The following NPIPA1 variants were observed in gnomAD, a reference collection of about 807,000 sequenced individuals.
The protein encoded by NPIPA1 is nuclear pore complex interacting protein family member A1.
For missense variants in NPIPA1, 22 were observed against 232.2 expected, an observed-to-expected ratio of 0.09 and a Z score of 5.88; for synonymous variants, 7 against 88.0, an observed-to-expected ratio of 0.08 and a Z score of 5.15.
chr16:14,943,183 G>A (rs2151078469), intron 2 of NPIPA1, among the ~76,000 whole-genome samples: 1 of 152,010 alleles, frequency 6.6e-6, no homozygotes, highest in African/African-American at 2.4e-5. Flanking sequence ...CCCAAAAGGA[G>A]TCTCCCTCTG....
At chr16:14,942,741 A>G (rs1377205663) in intron 2 of NPIPA1, among the ~76,000 whole-genome samples, 2 of 152,232 alleles carry the variant, frequency 1.3e-5, no homozygotes, top group African/African-American at 4.8e-5. Flanking sequence ...TCCCACTTGC[A>G]ACTGGAGAGA....
At chr16:14,943,832 C>A (rs1160909963) in intron 2 of NPIPA1, among the ~76,000 whole-genome samples, 11 of 151,976 alleles carry the variant, frequency 7.2e-5, no homozygotes, top group Admixed American at 2.6e-4. Context: ...CAGGAAAAAA[C>A]AAATTCTACA....
intron 1 of NPIPA1, among the ~76,000 whole-genome samples, chr16:14,941,139 A>G (rs1319606344): frequency 6.6e-6 from 1 of 151,836 alleles, no homozygotes; most frequent in Admixed American, 6.6e-5. Flanking sequence ...AAAACAACAA[A>G]CAAAAACAAA....
At chr16:14,938,526 C>G (rs1368135465) in intron 1 of NPIPA1, among the ~76,000 whole-genome samples, 1 of 143,896 alleles carries the variant, frequency 6.9e-6, no homozygotes, top group Middle Eastern at 3.4e-3. Context: ...AGCGAAACCC[C>G]ATCTCTACAA....
chr16:14,947,212 T>G (rs1267968918), intron 4 of NPIPA1, among the ~76,000 whole-genome samples: 2 of 152,268 alleles, frequency 1.3e-5, no homozygotes, highest in African/African-American at 4.8e-5. Context: ...TGACTGATCT[T>G]TTTTTGTTAA....
intron 5 of NPIPA1, chr16:14,949,359 A>T: frequency 3.4e-6 from 1 of 296,824 alleles, no homozygotes; most frequent in South Asian, 2.3e-5. Context: ...GATCAACCAC[A>T]TCCTTCAAAA....
At position 14,951,816 on chromosome 16, in the gene NPIPA1, G is replaced by T; in HGVS notation, c.844G>T (p.Ala282Ser). 1 of 1,578,452 alleles carries T rather than the reference G, an allele frequency of 6.3e-7. No individual in the cohort carries two copies. The highest frequency in any genetic ancestry group is 8.5e-7 in the Non-Finnish European group (1 of 1,172,534). Residue 282 changes from alanine (A) to serine (S), a missense_variant, in exon 8 of 8, where the codon GCG (alanine) becomes TCG (serine). Ala to Ser is a moderately conservative substitution (Grantham distance 99). Transcript: ENST00000328085. ...CCTTCCACCCTCAGCTCTACCCTCA[G>T]CGGATGATAATCTCAAGACACCTGC... ...TPLPPSALPS[A>S]DDNLKTPAEC...
At chr16:14,947,127 T>C (rs1427775188) in intron 4 of NPIPA1, among the ~76,000 whole-genome samples, 1 of 152,272 alleles carries the variant, frequency 6.6e-6, no homozygotes, top group African/African-American at 2.4e-5. Flanking sequence ...TTGAACTCAA[T>C]GCTTGGGTCA....
intron 1 of NPIPA1, among the ~76,000 whole-genome samples, chr16:14,938,765 G>A (rs1965685973): frequency 6.6e-6 from 1 of 152,030 alleles, no homozygotes; most frequent in African/African-American, 2.4e-5. Context: ...TTAAGACAGA[G>A]TCTCATTCTG....
chr16:14,943,878 G>A (rs1302244798), intron 2 of NPIPA1, among the ~76,000 whole-genome samples: 3 of 150,884 alleles, frequency 2.0e-5, no homozygotes, highest in Admixed American at 6.6e-5. Context: ...GCCAGGTGTG[G>A]TGGCTCATGC....
intron 1 of NPIPA1, among the ~76,000 whole-genome samples, chr16:14,938,518 C>T (rs1445872910): frequency 3.9e-4 from 57 of 144,532 alleles, no homozygotes; most frequent in Middle Eastern, 3.4e-3. Context: ...GGCATCATAG[C>T]GAAACCCCAT....
intron 1 of NPIPA1, among the ~76,000 whole-genome samples, chr16:14,940,370 G>A (rs1221497961): frequency 1.3e-5 from 2 of 151,944 alleles, no homozygotes; most frequent in Non-Finnish European, 2.9e-5. Context: ...TATAATAAAT[G>A]CATCCAATGT....
intron 1 of NPIPA1, among the ~76,000 whole-genome samples, chr16:14,938,778 G>A (rs1320733571): frequency 7.5e-4 from 113 of 151,652 alleles, no homozygotes; most frequent in Middle Eastern, 3.4e-3. Context: ...TCATTCTGTC[G>A]CCCAGGCTGG....
In NPIPA1 at chr16:14,947,124, C is replaced by T. The variant is rs1226760521; in HGVS notation, c.437+1143C>T. On this transcript the variant is annotated intron_variant, in intron 4 of 7. Transcript: ENST00000328085. ...CGCACCCAGCCTGGATTGTTGAACT[C>T]AATGCTTGGGTCACCTCCAGATTCA... Among the ~76,000 whole-genome samples, 27 of 152,378 alleles carry T rather than the reference C, an allele frequency of 1.8e-4. No homozygotes were observed. In the East Asian group the frequency reaches 4.8e-3, roughly 27 times the overall value.
intron 4 of NPIPA1, among the ~76,000 whole-genome samples, chr16:14,947,222 AAT>A (rs1432564834): frequency 6.6e-6 from 1 of 152,248 alleles, no homozygotes; most frequent in Non-Finnish European, 1.5e-5. Context: ...TTTTTTGTTA[AAT>A]GTGAGATACT....
At chr16:14,950,705 A>T in intron 7 of NPIPA1, 1 of 707,808 alleles carries the variant, frequency 1.4e-6, no homozygotes, top group Non-Finnish European at 2.1e-6. Context: ...TTTGTTTAGA[A>T]TTCCCACCTC....
chr16:14,943,073 T>C (rs1174473979), intron 2 of NPIPA1, among the ~76,000 whole-genome samples: 2 of 152,314 alleles, frequency 1.3e-5, no homozygotes, highest in African/African-American at 4.8e-5. Flanking sequence ...TATGAAGATA[T>C]CTAGGCACAT....
intron 4 of NPIPA1, among the ~76,000 whole-genome samples, chr16:14,947,687 C>G (rs1406730102): frequency 6.6e-6 from 1 of 152,080 alleles, no homozygotes; most frequent in African/African-American, 2.4e-5. Context: ...TTGATGTATT[C>G]AATCATGGGT....
At chr16:14,948,519 G>T (rs1283491959) in intron 4 of NPIPA1, among the ~76,000 whole-genome samples, 1 of 152,208 alleles carries the variant, frequency 6.6e-6, no homozygotes, top group Non-Finnish European at 1.5e-5. Context: ...CAGATGAGGA[G>T]CAATCCTCTG....
Sources: gnomAD v4.1 joint callset for allele counts (sites outside exome capture counted in the v4.1 genomes callset) on GRCh38, gnomAD v4.1.1 for gene constraint, MANE v1.5 for transcripts, NCBI Gene and HGNC (gene_info 2026-07-23, HGNC 2026-07-21) for gene names.